SORCS3: variants seen among roughly 807,000 people sequenced by gnomAD.
SORCS3 encodes VPS10 domain-containing receptor SorCS3.
A neutral mutation model predicts 146.3 loss-of-function variants in SORCS3; 57 were observed. The observed-to-expected ratio is 0.39, with a 90% CI of 0.31 to 0.49. SORCS3 has a LOEUF of 0.49. Ranked by LOEUF, SORCS3 falls within the 20% of genes least tolerant of loss-of-function variation. The probability of loss-of-function intolerance (pLI) is 0.92; values close to 1 mark genes in which losing one functional copy is unlikely to be tolerated. For synonymous variants in SORCS3, 653 were observed against 618.5 expected, an observed-to-expected ratio of 1.06 and a Z score of -0.83; for missense variants, 1,341 against 1,575.5, an observed-to-expected ratio of 0.85 and a Z score of 2.52.
intron 3 of SORCS3, among the ~76,000 whole-genome samples, chr10:104,943,480 T>C (rs934051412): frequency 1.3e-5 from 2 of 152,152 alleles, no homozygotes; most frequent in African/African-American, 4.8e-5. Flanking sequence ...GATAAATATG[T>C]TAATAATATA....
At chr10:104,713,466 TC>T (rs2133440250) in intron 1 of SORCS3, among the ~76,000 whole-genome samples, 1 of 152,352 alleles carries the variant, frequency 6.6e-6, no homozygotes, top group East Asian at 1.9e-4. Flanking sequence ...CTGAGGAAGT[TC>T]CCCTCTGTTT....
At chr10:104,667,465 T>C (rs910078325) in intron 1 of SORCS3, among the ~76,000 whole-genome samples, 1 of 152,214 alleles carries the variant, frequency 6.6e-6, no homozygotes, top group African/African-American at 2.4e-5. Context: ...TTCCCCTGTT[T>C]TATATCTTGG....
chr10:104,690,522 C>T (rs1452074873), intron 1 of SORCS3, among the ~76,000 whole-genome samples: 1 of 152,228 alleles, frequency 6.6e-6, no homozygotes, highest in African/African-American at 2.4e-5. Context: ...AGGTTTCCTA[C>T]CACTTCACCT....
In SORCS3 at chr10:104,731,888, T is replaced by C. The variant is rs115712139; in HGVS notation, c.627+89934T>C. 8.4e-3 allele frequency among the ~76,000 whole-genome samples: 1,285 copies of C among 152,342 alleles called. 25 individuals are homozygous for C. Among genetic ancestry groups the C allele is most frequent in the African/African-American group, 0.029 (1,219 of 41,568 alleles). ...CTCTGGTTGTTTCATGGTGGTGACATTGATCCCACCTTCCAGCTATGGGCT... is the reference window on the plus strand; with the variant it reads ...CTCTGGTTGTTTCATGGTGGTGACACTGATCCCACCTTCCAGCTATGGGCT... On this transcript the variant is annotated intron_variant, in intron 1 of 26. Coordinates refer to ENST00000369701, the MANE Select transcript of SORCS3 (RefSeq NM_014978.3).
rs866566576 is a variant in SORCS3, at chr10:105,235,585, G to A, written c.2869-9957G>A. On this transcript the variant is annotated intron_variant, in intron 20 of 26. Coordinates refer to ENST00000369701, the MANE Select transcript of SORCS3 (RefSeq NM_014978.3). ...TAAGTAAGGTACGACCTCAGACTTG[G>A]AAATGCTGGATATCTAAAGAGAAGG... Among the ~76,000 whole-genome samples the A allele has an allele frequency of 2.0e-5, 3 of 151,880 alleles. No individual in the cohort carries two copies. The South Asian group carries it at 6.2e-4, about 31-fold the overall frequency.
intron 18 of SORCS3, among the ~76,000 whole-genome samples, chr10:105,215,241 C>G (rs1165258178): frequency 6.6e-6 from 1 of 152,196 alleles, no homozygotes; most frequent in Non-Finnish European, 1.5e-5. Flanking sequence ...TCTCTGTTGT[C>G]TGCTTCTTTT....
intron 5 of SORCS3, among the ~76,000 whole-genome samples, chr10:105,079,775 A>G (rs1206789436): frequency 2.0e-5 from 3 of 151,926 alleles, no homozygotes; most frequent in African/African-American, 7.3e-5. Context: ...TCTTTGTGTC[A>G]TTTAGCTCCC....
At chr10:104,660,168 A>G (rs1450330930) in intron 1 of SORCS3, among the ~76,000 whole-genome samples, 1 of 152,200 alleles carries the variant, frequency 6.6e-6, no homozygotes, top group Non-Finnish European at 1.5e-5. Flanking sequence ...TAAAAATGAG[A>G]CAAATCAAAG....
chr10:104,842,915 GC>G, intron 2 of SORCS3, 56 bp downstream of exon 2: 1 of 1,355,498 alleles, frequency 7.4e-7, no homozygotes, highest in Non-Finnish European at 1.1e-6. Flanking sequence ...CATGAGAAAC[GC>G]AAGCTAAGCA....
In SORCS3 at chr10:105,007,856, T is replaced by A. The variant is rs138109112; in HGVS notation, c.954+30363T>A. ...AGAGCTCAGAAGGCAGGAAAGAAATTTGAAATCAGGACATAAGCTAGAACT... is the reference window on the plus strand; with the variant it reads ...AGAGCTCAGAAGGCAGGAAAGAAATATGAAATCAGGACATAAGCTAGAACT... On this transcript the variant is annotated intron_variant, in intron 4 of 26. Coordinates refer to ENST00000369701, the MANE Select transcript of SORCS3 (RefSeq NM_014978.3). 4.2e-3 allele frequency among the ~76,000 whole-genome samples: 634 copies of A among 152,172 alleles called. 7 individuals carry two copies. Among genetic ancestry groups the A allele is most frequent in the African/African-American group, 0.014 (593 of 41,530 alleles).
chr10:105,042,909 A>G (rs1564741101), intron 4 of SORCS3, 146 bp from the exon 5 acceptor site: 1 of 675,376 alleles, frequency 1.5e-6, no homozygotes, highest in Non-Finnish European at 2.7e-6. Context: ...ATAAGCAGTC[A>G]TATTCCTACC....
intron 1 of SORCS3, among the ~76,000 whole-genome samples, chr10:104,746,163 G>A (rs1049164358): frequency 4.0e-5 from 6 of 149,230 alleles, no homozygotes; most frequent in African/African-American, 9.9e-5. Flanking sequence ...TTAAGGTGGA[G>A]TCTCGCTCTG....
In SORCS3 at chr10:105,190,765, A is replaced by C. The variant is rs372184917; in HGVS notation, c.2010-9234A>C. 1.1e-4 allele frequency among the ~76,000 whole-genome samples: 17 copies of C among 152,280 alleles called. No individual in the cohort carries two copies. The South Asian group carries it at 3.5e-3, about 32-fold the overall frequency. On this transcript the variant is annotated intron_variant, in intron 14 of 26. Coordinates refer to ENST00000369701, the MANE Select transcript of SORCS3 (RefSeq NM_014978.3). ...GCTGATCTACTGTTTGCAAAGTCTT[A>C]TGGGTATGGATCATGGGGATATAAA...
chr10:105,170,384 C>G (rs567131462), intron 13 of SORCS3, among the ~76,000 whole-genome samples: 6 of 151,928 alleles, frequency 3.9e-5, no homozygotes, highest in Non-Finnish European at 7.4e-5. Flanking sequence ...TGTAATATAT[C>G]TCTTTTCTTG....
At chr10:104,645,991 C>T (rs746035144) in intron 1 of SORCS3, among the ~76,000 whole-genome samples, 4 of 152,142 alleles carry the variant, frequency 2.6e-5, no homozygotes, top group Non-Finnish European at 5.9e-5. Context: ...AAGCTTGCCA[C>T]AGAAGCCATT....
At chr10:104,664,222 A>T (rs1310554776) in intron 1 of SORCS3, among the ~76,000 whole-genome samples, 1 of 152,136 alleles carries the variant, frequency 6.6e-6, no homozygotes, top group African/African-American at 2.4e-5. Context: ...TGTGTCCTTC[A>T]TGGGGGAATT....
At chr10:105,070,956 G>A (rs1369051201) in intron 5 of SORCS3, among the ~76,000 whole-genome samples, 1 of 152,042 alleles carries the variant, frequency 6.6e-6, no homozygotes, top group Non-Finnish European at 1.5e-5. Flanking sequence ...TGCAGACAGT[G>A]ATGGGAGAAG....
chr10:104,760,907 G>GTT (rs535863535), intron 1 of SORCS3, among the ~76,000 whole-genome samples: 11 of 145,300 alleles, frequency 7.6e-5, no homozygotes, highest in African/African-American at 2.0e-4. Flanking sequence ...GACAGATTAC[G>GTT]TTTTTTTTTT....
Position 104,649,309 on chromosome 10 carries a change from G to A in SORCS3, c.627+7355G>A, listed in dbSNP as rs2015532035. Reference sequence around the variant, plus strand: ...TGGGCAAGTTGTTACCCTCTCTGCTGTTTCTTCATCTGAAAAAAGGGAGTG... The same window carrying A: ...TGGGCAAGTTGTTACCCTCTCTGCTATTTCTTCATCTGAAAAAAGGGAGTG... On this transcript the variant is annotated intron_variant, in intron 1 of 26. Coordinates refer to ENST00000369701, the MANE Select transcript of SORCS3 (RefSeq NM_014978.3). Among the ~76,000 whole-genome samples, 2 of 152,186 alleles carry A rather than the reference G, an allele frequency of 1.3e-5. 1 individual carries two copies. Among genetic ancestry groups the A allele is most frequent in the African/African-American group, 4.8e-5 (2 of 41,446 alleles).
Sources: allele counts gnomAD v4.1 joint callset (sites outside exome capture counted in the v4.1 genomes callset), GRCh38; gene constraint gnomAD v4.1.1; transcripts MANE v1.5; gene names NCBI Gene and HGNC (gene_info 2026-07-23, HGNC 2026-07-21).